The following STARD13 variants were observed in gnomAD, a reference collection of about 807,000 sequenced individuals.
The protein encoded by STARD13 is StAR related lipid transfer domain containing 13.
STARD13 carries 62 observed loss-of-function variants against 106.4 expected under a neutral mutation model. The observed-to-expected ratio is 0.58, with a 90% CI of 0.48 to 0.72. The LOEUF (loss-of-function observed/expected upper bound fraction) is 0.72, where lower values mean the gene tolerates loss of function less well. Among genes scored for constraint, STARD13 ranks in the 30% least tolerant of loss-of-function variants. The pLI, the probability that STARD13 is intolerant of heterozygous loss-of-function variation, is 0.00. For missense variants in STARD13, 1,387 were observed against 1,424.0 expected (o/e 0.97, Z 0.42); for synonymous variants, 565 against 553.0 (o/e 1.02, Z -0.31).
At chr13:33,465,630 C>A in the STARD13 span, among the ~76,000 whole-genome samples, 2 of 152,158 alleles carry the variant, frequency 1.3e-5, no homozygotes, top group Non-Finnish European at 2.9e-5. Flanking sequence ...AGGATCTTTC[C>A]TCTGTGATCC....
chr13:33,295,062 G>A (rs1041447085), intron 1 of STARD13, among the ~76,000 whole-genome samples: 6 of 152,064 alleles, frequency 3.9e-5, no homozygotes, highest in South Asian at 2.1e-4. Context: ...TATGGCCCAC[G>A]ACTGTGGAGG....
chr13:33,155,139 G>A lies in STARD13; in HGVS notation c.323+10198C>T, dbSNP rs79993325. ...ACATCTCCATCCCCAGCTCCGGGCC[G>A]GGCACCCTACTGAACACTGGACATT... On this transcript the variant is annotated intron_variant, in intron 3 of 13. Transcript: ENST00000336934. Among the ~76,000 whole-genome samples the A allele has an allele frequency of 1.8e-3, 274 of 152,012 alleles. 1 individual carries two copies. The highest frequency in any genetic ancestry group is 6.3e-3 in the African/African-American group (263 of 41,460).
At chr13:33,552,343 C>G in the STARD13 span, among the ~76,000 whole-genome samples, 1 of 152,188 alleles carries the variant, frequency 6.6e-6, no homozygotes, top group Non-Finnish European at 1.5e-5. Flanking sequence ...ACATTCCTCA[C>G]AAGCACACAC....
chr13:33,294,567 T>A (rs1429058929), intron 1 of STARD13, among the ~76,000 whole-genome samples: 4 of 152,254 alleles, frequency 2.6e-5, no homozygotes, highest in Non-Finnish European at 5.9e-5. Flanking sequence ...TCTTTAATAG[T>A]TCATTCAATA....
intron 1 of STARD13, among the ~76,000 whole-genome samples, chr13:33,312,026 G>C (rs572416992): frequency 1.4e-4 from 22 of 152,342 alleles, no homozygotes; most frequent in African/African-American, 4.8e-4. Context: ...TATTGGATAT[G>C]CAGTTCGTGT....
At chr13:33,274,848 T>A (rs1726255432) in intron 1 of STARD13, among the ~76,000 whole-genome samples, 1 of 152,054 alleles carries the variant, frequency 6.6e-6, no homozygotes, top group South Asian at 2.1e-4. Flanking sequence ...CTATTACCAG[T>A]TAATGATGTT....
At position 33,127,562 on chromosome 13, in the gene STARD13, C is replaced by G. The variant is rs1441956894; in HGVS notation, c.1749-16G>C. ...TCGGAGTCGCCTTTACCAGAGAGAC[C>G]ATCAGAGAAGCCAGTCACAAAGTGG... On this transcript the variant is annotated splice_polypyrimidine_tract_variant and intron_variant, in intron 5 of 13. Coordinates refer to ENST00000336934, the MANE Select transcript of STARD13 (RefSeq NM_178006.4). 64 of 1,521,812 alleles carry G rather than the reference C, an allele frequency of 4.2e-5. No individual in the cohort carries two copies. Among genetic ancestry groups the G allele is most frequent in the Non-Finnish European group, 5.5e-5 (63 of 1,143,260 alleles). 94.3% of individuals were successfully genotyped at this position (1,521,812 alleles called of 1,614,324 possible).
chr13:33,455,989 A>G, the STARD13 span, among the ~76,000 whole-genome samples: 2 of 152,148 alleles, frequency 1.3e-5, no homozygotes, highest in Admixed American at 6.5e-5. Flanking sequence ...TAAATAAATA[A>G]CAACGAATAA....
chr13:33,149,426 C>T (rs930302812), intron 3 of STARD13, among the ~76,000 whole-genome samples: 1 of 152,148 alleles, frequency 6.6e-6, no homozygotes, highest in Non-Finnish European at 1.5e-5. Flanking sequence ...AAAACAATTT[C>T]ATTTTTTGGA....
At chr13:33,205,816 T>G in intron 1 of STARD13, 1 of 981,978 alleles carries the variant, frequency 1.0e-6, no homozygotes, top group South Asian at 4.7e-5. Flanking sequence ...AACACAAACT[T>G]ACTTTGTTTA....
At chr13:33,644,558 C>A in the STARD13 span, among the ~76,000 whole-genome samples, 1 of 152,040 alleles carries the variant, frequency 6.6e-6, no homozygotes, top group Admixed American at 6.5e-5. Flanking sequence ...CAGAGAAAAA[C>A]AGAGATACAA....
At chr13:33,305,061 TTTG>T (rs1290941293) in intron 1 of STARD13, among the ~76,000 whole-genome samples, 7 of 152,076 alleles carry the variant, frequency 4.6e-5, no homozygotes, top group Non-Finnish European at 1.0e-4. Context: ...GCCCCAAGCT[TTTG>T]TTGTTGTTGT....
chr13:33,418,159 G>A, the STARD13 span, among the ~76,000 whole-genome samples: 1 of 152,176 alleles, frequency 6.6e-6, no homozygotes, highest in African/African-American at 2.4e-5. Flanking sequence ...GAAGTGCAAG[G>A]GGTCAGGGGA....
the STARD13 span, among the ~76,000 whole-genome samples, chr13:33,552,782 T>C: frequency 6.6e-6 from 1 of 152,166 alleles, no homozygotes. Flanking sequence ...TCAAAAATAA[T>C]ACTTCCAAAT....
chr13:33,380,601 T>C, the STARD13 span, among the ~76,000 whole-genome samples: 3 of 150,972 alleles, frequency 2.0e-5, no homozygotes, highest in African/African-American at 4.9e-5. Flanking sequence ...AGCAAGAAAT[T>C]AGTCAAAGGG....
intron 4 of STARD13, among the ~76,000 whole-genome samples, chr13:33,140,524 T>C (rs1030236087): frequency 2.6e-5 from 4 of 152,268 alleles, no homozygotes; most frequent in African/African-American, 9.6e-5. Flanking sequence ...TTTCTCTGGA[T>C]ATTGTTTTTC....
At chr13:33,350,276 T>G in intron 1 of STARD13, 1 of 1,524,428 alleles carries the variant, frequency 6.6e-7, no homozygotes, top group Non-Finnish European at 8.8e-7. Flanking sequence ...TCGCGGCGTC[T>G]CCGGGGCACT....
the STARD13 span, among the ~76,000 whole-genome samples, chr13:33,472,639 A>G: frequency 2.0e-5 from 3 of 152,210 alleles, no homozygotes; most frequent in African/African-American, 7.2e-5. Flanking sequence ...ACATACACCT[A>G]TGTCAGCTAT....
In STARD13 at chr13:33,129,856, C is replaced by T; in HGVS notation, c.821G>A (p.Arg274Lys). 1 of 1,612,950 alleles carries T rather than the reference C, an allele frequency of 6.2e-7. No individual in the cohort carries two copies. Among genetic ancestry groups the T allele is most frequent in the South Asian group, 1.1e-5 (1 of 91,086 alleles). Residue 274 changes from arginine (R) to lysine (K), a missense_variant, in exon 5 of 14, where the codon AGG becomes AAG. By Grantham distance (26) the Arg-to-Lys change is conservative. Transcript: ENST00000336934. ...ACCTGTCCGCCCAGACCCCTTATGCCTCCCGTGGGCTCCCTTCCCTCGGAG... is the reference window on the plus strand; with the variant it reads ...ACCTGTCCGCCCAGACCCCTTATGCTTCCCGTGGGCTCCCTTCCCTCGGAG... Reference protein sequence around the residue: ...ETLRGKGAHGRHKGSGRTGGL... With the variant: ...ETLRGKGAHGKHKGSGRTGGL...
Sources: allele counts gnomAD v4.1 joint callset (sites outside exome capture counted in the v4.1 genomes callset), GRCh38; gene constraint gnomAD v4.1.1; transcripts MANE v1.5; gene names NCBI Gene and HGNC (gene_info 2026-07-23, HGNC 2026-07-21).